The following IL1RAP variants were observed in gnomAD, a reference collection of about 807,000 sequenced individuals.
The protein encoded by IL1RAP is interleukin-1 receptor accessory protein.
Under a neutral mutation model 60.7 loss-of-function variants are expected in IL1RAP, and 35 were observed. The ratio of observed to expected loss-of-function variants is 0.58; its 90% CI spans 0.44 to 0.76. IL1RAP has a LOEUF of 0.76. IL1RAP is among the 30% of genes least tolerant of loss of function. IL1RAP has a pLI of 0.00. For synonymous variants in IL1RAP, 268 were observed against 250.9 expected, an observed-to-expected ratio of 1.07 and a Z score of -0.64; for missense variants, 572 against 693.9, an observed-to-expected ratio of 0.82 and a Z score of 1.97.
Position 190,649,166 on chromosome 3 carries a change from T to C in IL1RAP, c.*461T>C. The C allele has an allele frequency of 1.0e-6, 1 of 987,504 alleles. No individual in the cohort carries two copies. The highest frequency in any genetic ancestry group is 1.2e-6 in the Non-Finnish European group (1 of 831,444). The allele number at this position is 987,504 out of a possible 1,614,324, so 61.2% of individuals were successfully genotyped here. On this transcript the variant is annotated 3_prime_UTR_variant, in exon 12 of 12. Coordinates refer to ENST00000447382, the MANE Select transcript of IL1RAP (RefSeq NM_002182.4). ...GAAAAGATAATCAAGGCCTACATTT[T>C]AGCTGAGGATAATGAACTTTTTTCC...
chr3:190,565,111 T>C (rs1726264733), intron 3 of IL1RAP, among the ~76,000 whole-genome samples: 1 of 151,710 alleles, frequency 6.6e-6, no homozygotes, highest in East Asian at 1.9e-4. Flanking sequence ...GATTTTAGTA[T>C]CTAAAACTGA....
intron 5 of IL1RAP, among the ~76,000 whole-genome samples, chr3:190,610,520 A>G (rs369330412): frequency 6.6e-5 from 10 of 152,112 alleles, no homozygotes; most frequent in African/African-American, 1.9e-4. Context: ...TAAAATTAAA[A>G]AAATGACAAA....
intron 5 of IL1RAP, among the ~76,000 whole-genome samples, chr3:190,613,175 A>G (rs885731): frequency 0.68 from 102,937 of 152,120 alleles, 35,410 homozygotes; most frequent in East Asian, 0.81. Context: ...TCTTGAGGGC[A>G]AAGCTATGTA....
At chr3:190,579,280 A>G (rs1207426673) in intron 3 of IL1RAP, among the ~76,000 whole-genome samples, 6 of 152,308 alleles carry the variant, frequency 3.9e-5, no homozygotes, top group South Asian at 2.1e-4. Flanking sequence ...TTGGGCTTAC[A>G]CTGTGTGCTA....
At chr3:190,533,781 A>G (rs1395157564) in intron 1 of IL1RAP, among the ~76,000 whole-genome samples, 2 of 152,140 alleles carry the variant, frequency 1.3e-5, no homozygotes, top group African/African-American at 2.4e-5. Flanking sequence ...AACCTCTTAC[A>G]GGAATGATGA....
exon 12 of IL1RAP, chr3:190,659,435 G>A (rs1734715319): frequency 6.6e-6 from 1 of 152,126 alleles, no homozygotes; most frequent in South Asian, 2.1e-4. Flanking sequence ...ATGGAGAAAG[G>A]ATCAGAGGTT....
intron 1 of IL1RAP, among the ~76,000 whole-genome samples, chr3:190,521,765 C>A (rs1172042679): frequency 6.6e-6 from 1 of 151,822 alleles, no homozygotes; most frequent in East Asian, 1.9e-4. Flanking sequence ...CCCTTCAGGA[C>A]CCAGGTTTGG....
At chr3:190,576,225 TAAGG>T (rs780615452) in intron 3 of IL1RAP, among the ~76,000 whole-genome samples, 1 of 152,150 alleles carries the variant, frequency 6.6e-6, no homozygotes, top group Non-Finnish European at 1.5e-5. Flanking sequence ...TCATCAAAGG[TAAGG>T]GTCAGCAAAG....
At chr3:190,522,314 CT>C (rs1553824688) in intron 1 of IL1RAP, among the ~76,000 whole-genome samples, 1 of 119,446 alleles carries the variant, frequency 8.4e-6, no homozygotes, top group African/African-American at 4.7e-5. Context: ...TCCTTCCTTC[CT>C]TCCTTCCTTC....
At chr3:190,623,975 A>C (rs530657837) in intron 7 of IL1RAP, among the ~76,000 whole-genome samples, 1 of 152,348 alleles carries the variant, frequency 6.6e-6, no homozygotes, top group South Asian at 2.1e-4. Flanking sequence ...CTTTTGACTC[A>C]AAGCCTCCCA....
intron 3 of IL1RAP, among the ~76,000 whole-genome samples, chr3:190,583,670 A>AG: frequency 6.6e-6 from 1 of 152,344 alleles, no homozygotes; most frequent in South Asian, 2.1e-4. Flanking sequence ...TCAAACTGAG[A>AG]GAAATTGCTT....
At chr3:190,530,627 G>A (rs1722903960) in intron 1 of IL1RAP, among the ~76,000 whole-genome samples, 2 of 152,164 alleles carry the variant, frequency 1.3e-5, no homozygotes, top group Non-Finnish European at 2.9e-5. Context: ...GCTTCTAGTA[G>A]GTGAAGAACA....
intron 4 of IL1RAP, among the ~76,000 whole-genome samples, 153 bp downstream of exon 4, chr3:190,604,566 A>C (rs1307091271): frequency 6.6e-6 from 1 of 152,156 alleles, no homozygotes; most frequent in Non-Finnish European, 1.5e-5. Flanking sequence ...AAGGGGTCTG[A>C]AGGAGGTATG....
chr3:190,655,297 G>A (rs76184630), downstream of IL1RAP, among the ~76,000 whole-genome samples: 2,876 of 152,154 alleles, frequency 0.019, 102 homozygotes, highest in African/African-American at 0.066. Context: ...TGGTAAACAT[G>A]CAGAGGAGAC....
intron 1 of IL1RAP, among the ~76,000 whole-genome samples, chr3:190,523,593 C>A (rs1310392867): frequency 6.6e-6 from 1 of 152,072 alleles, no homozygotes; most frequent in African/African-American, 2.4e-5. Flanking sequence ...CATTTAGCTC[C>A]CAATTCTAAG....
At chr3:190,532,807 T>C (rs1383858318) in intron 1 of IL1RAP, among the ~76,000 whole-genome samples, 3 of 152,200 alleles carry the variant, frequency 2.0e-5, no homozygotes, top group Non-Finnish European at 2.9e-5. Flanking sequence ...GTCTGACAGT[T>C]CCCTAGAAGC....
intron 3 of IL1RAP, among the ~76,000 whole-genome samples, chr3:190,581,918 T>G (rs1560187791): frequency 6.6e-6 from 1 of 152,150 alleles, no homozygotes; most frequent in East Asian, 1.9e-4. Context: ...TCACCGTGAC[T>G]CACAGATGGC....
intron 3 of IL1RAP, among the ~76,000 whole-genome samples, chr3:190,569,470 G>T (rs115106836): frequency 0.011 from 1,639 of 152,196 alleles, 33 homozygotes; most frequent in African/African-American, 0.036. Flanking sequence ...CAAACATTTG[G>T]AAAATGTATG....
intron 3 of IL1RAP, among the ~76,000 whole-genome samples, chr3:190,597,929 C>T (rs1729523820): frequency 6.6e-6 from 1 of 152,158 alleles, no homozygotes; most frequent in East Asian, 1.9e-4. Flanking sequence ...CAGGGTCTAA[C>T]ATGACACTTA....
Sources: allele counts gnomAD v4.1 joint callset (sites outside exome capture counted in the v4.1 genomes callset), GRCh38; gene constraint gnomAD v4.1.1; transcripts MANE v1.5; gene names NCBI Gene and HGNC (gene_info 2026-07-23, HGNC 2026-07-21).